ADAM2: variants seen among roughly 807,000 people sequenced by gnomAD.
The protein encoded by ADAM2 is ADAM metallopeptidase domain 2, also known as disintegrin and metalloproteinase domain-containing protein 2.
Under a neutral mutation model 99.3 loss-of-function variants are expected in ADAM2, and 101 were observed. The observed-to-expected ratio is 1.02, with a 90% confidence interval of 0.87 to 1.20. The LOEUF is 1.20. Among genes scored for constraint, ADAM2 ranks in the 50% most tolerant of loss-of-function variants. The probability of loss-of-function intolerance (pLI) is 0.00; values close to 1 mark genes in which losing one functional copy is unlikely to be tolerated. For missense variants in ADAM2, 948 were observed against 878.7 expected (o/e 1.08, Z -1.00); for synonymous variants, 323 against 287.6 (o/e 1.12, Z -1.25).
rs575224820 is a variant in ADAM2 at position 39,777,988 on chromosome 8, G to T, written c.892-827C>A. Among the ~76,000 whole-genome samples, 130 of 146,936 alleles carry T rather than the reference G, an allele frequency of 8.8e-4. 2 individuals are homozygous for T. In the South Asian group the frequency reaches 0.027, roughly 31 times the overall value. ...ACTTTTCAGTTGTTTCAATTTTATT[G>T]GGAAAACTAAAATATATAATTTATA... On this transcript the variant is annotated intron_variant, in intron 10 of 20. Coordinates refer to ENST00000265708, the MANE Select transcript of ADAM2 (RefSeq NM_001464.5).
intron 3 of ADAM2, among the ~76,000 whole-genome samples, chr8:39,830,179 A>G (rs554092894): frequency 3.3e-5 from 5 of 152,240 alleles, no homozygotes; most frequent in African/African-American, 9.6e-5. Context: ...TAAAAATTTT[A>G]AAGATAATTG....
chr8:39,801,175 C>T (rs1437255466), intron 7 of ADAM2, among the ~76,000 whole-genome samples: 1 of 152,120 alleles, frequency 6.6e-6, no homozygotes, highest in African/African-American at 2.4e-5. Context: ...ATCTTTGAGG[C>T]TGCTGACCCT....
At chr8:39,827,289 T>A (rs1348377862) in intron 3 of ADAM2, among the ~76,000 whole-genome samples, 1 of 152,124 alleles carries the variant, frequency 6.6e-6, no homozygotes, top group Non-Finnish European at 1.5e-5. Flanking sequence ...TTGGTGGAAA[T>A]GTAAATTAGT....
intron 8 of ADAM2, 28 bp downstream of exon 8, chr8:39,788,641 G>T: frequency 6.7e-7 from 1 of 1,502,520 alleles, no homozygotes; most frequent in Non-Finnish European, 9.1e-7. Context: ...CACAAGAAGT[G>T]CAAAAGTACT....
intron 7 of ADAM2, 115 bp from the exon 8 acceptor site, chr8:39,788,855 C>A (rs542742593): frequency 1.9e-6 from 1 of 539,168 alleles, no homozygotes; most frequent in Admixed American, 4.3e-5. Context: ...AAATTACAAA[C>A]ATATTAGTTT....
intron 7 of ADAM2, among the ~76,000 whole-genome samples, chr8:39,798,326 T>C (rs1804057079): frequency 6.6e-6 from 1 of 152,244 alleles, no homozygotes; most frequent in Non-Finnish European, 1.5e-5. Flanking sequence ...GTTCTGTTTA[T>C]GTGATGGATT....
chr8:39,756,326 A>C (rs1486899064), intron 15 of ADAM2, among the ~76,000 whole-genome samples: 7 of 152,194 alleles, frequency 4.6e-5, no homozygotes, highest in Admixed American at 6.5e-5. Flanking sequence ...TTTCAAGGTC[A>C]CTCATATTAA....
intron 1 of ADAM2, 52 bp from the exon 2 acceptor site, chr8:39,837,264 G>A (rs771662590): frequency 9.1e-5 from 121 of 1,326,738 alleles, no homozygotes; most frequent in Non-Finnish European, 1.2e-4. Context: ...ATTTCAGAGC[G>A]TGTTTTATGA....
chr8:39,784,281 G>A (rs1339020927), intron 10 of ADAM2, among the ~76,000 whole-genome samples: 3 of 152,282 alleles, frequency 2.0e-5, no homozygotes, highest in East Asian at 1.9e-4. Flanking sequence ...TCCAATTGTC[G>A]TTACTAAAGA....
chr8:39,746,485 A>T lies in ADAM2; in HGVS notation c.2161T>A (p.Tyr721Asn). ...FQRKKWRTED[Y>N]SSDEQPESES... The stretch of plus-strand genomic sequence containing the variant: ...AAATCAATATACTCATCGCTTGAAT[A>T]GTCCTCAGTTCTCCATTTTTTCCTT... The change falls in exon 19 of 21, where the codon TAT (tyrosine) becomes AAT (asparagine). Residue 721 changes from tyrosine (Y) to asparagine (N), a missense_variant. Transcript: ENST00000265708. 1 of 1,577,580 alleles carries T rather than the reference A, an allele frequency of 6.3e-7. No homozygotes were observed. Among genetic ancestry groups the T allele is most frequent in the Non-Finnish European group, 8.6e-7 (1 of 1,165,856 alleles).
chr8:39,785,096 T>C (rs1194451525), intron 10 of ADAM2, among the ~76,000 whole-genome samples: 1 of 152,244 alleles, frequency 6.6e-6, no homozygotes, highest in African/African-American at 2.4e-5. Flanking sequence ...GCAATTGTTT[T>C]TGAGGACTTA....
At chr8:39,793,859 A>T (rs1803823037) in intron 7 of ADAM2, among the ~76,000 whole-genome samples, 1 of 152,158 alleles carries the variant, frequency 6.6e-6, no homozygotes, top group Non-Finnish European at 1.5e-5. Context: ...AAGTCTATAC[A>T]GCCCATAATG....
At chr8:39,830,644 ATGTCCTC>A (rs1331327697) in intron 3 of ADAM2, among the ~76,000 whole-genome samples, 1 of 152,152 alleles carries the variant, frequency 6.6e-6, no homozygotes, top group Non-Finnish European at 1.5e-5. Context: ...AGGTGGTTTA[ATGTCCTC>A]TGGTCATTAG....
At chr8:39,824,096 C>T (rs1805301708) in intron 4 of ADAM2, among the ~76,000 whole-genome samples, 1 of 151,978 alleles carries the variant, frequency 6.6e-6, no homozygotes, top group Non-Finnish European at 1.5e-5. Context: ...CCAGCCTGAC[C>T]AACATGGAGA....
intron 11 of ADAM2, among the ~76,000 whole-genome samples, chr8:39,771,555 G>A (rs1440722957): frequency 2.6e-5 from 4 of 152,072 alleles, no homozygotes; most frequent in African/African-American, 4.8e-5. Flanking sequence ...ATTGTTAATA[G>A]GAATGTGATG....
intron 6 of ADAM2, among the ~76,000 whole-genome samples, chr8:39,813,624 C>A (rs1410085894): frequency 6.6e-6 from 1 of 152,104 alleles, no homozygotes; most frequent in Non-Finnish European, 1.5e-5. Flanking sequence ...TTTGTAGGGA[C>A]ATGGATGAAG....
At chr8:39,833,437 T>C (rs919357788) in intron 3 of ADAM2, among the ~76,000 whole-genome samples, 2 of 152,108 alleles carry the variant, frequency 1.3e-5, no homozygotes, top group African/African-American at 2.4e-5. Context: ...CTTTTCTTTA[T>C]TTCTTAGTAT....
intron 14 of ADAM2, among the ~76,000 whole-genome samples, chr8:39,766,088 C>T (rs1802557081): frequency 6.6e-6 from 1 of 152,008 alleles, no homozygotes; most frequent in African/African-American, 2.4e-5. Context: ...CTTCAGAGTC[C>T]CTGGATTTTC....
intron 14 of ADAM2, among the ~76,000 whole-genome samples, 191 bp downstream of exon 14, chr8:39,766,657 C>T (rs1054863814): frequency 1.3e-5 from 2 of 152,164 alleles, no homozygotes; most frequent in African/African-American, 2.4e-5. Context: ...ATCTGCCCGC[C>T]TCGGCCTCCC....
Sources: allele counts gnomAD v4.1 joint callset (sites outside exome capture counted in the v4.1 genomes callset), GRCh38; gene constraint gnomAD v4.1.1; transcripts MANE v1.5; gene names NCBI Gene and HGNC (gene_info 2026-07-23, HGNC 2026-07-21).